The following WDR7 variants were observed in gnomAD, a reference collection of about 807,000 sequenced individuals.
The protein encoded by WDR7 is WD repeat-containing protein 7.
A neutral mutation model predicts 169.4 loss-of-function variants in WDR7; 46 were observed. The observed-to-expected ratio is 0.27, with a 90% confidence interval of 0.21 to 0.35. WDR7 has a LOEUF of 0.35. Ranked by LOEUF, WDR7 falls within the 10% of genes least tolerant of loss-of-function variation. The pLI, the probability that WDR7 is intolerant of heterozygous loss-of-function variation, is 1.00. For synonymous variants in WDR7, 612 were observed against 666.8 expected (o/e 0.92, Z 1.27); for missense variants, 1,534 against 1,859.3 (o/e 0.83, Z 3.22).
At chr18:56,965,252 T>G (rs2047391972) in intron 26 of WDR7, among the ~76,000 whole-genome samples, 1 of 151,900 alleles carries the variant, frequency 6.6e-6, no homozygotes, top group South Asian at 2.1e-4. Context: ...TCACTTAGAT[T>G]GGGGGAATCA....
At chr18:57,032,222 A>G (rs1452252580), downstream of WDR7, 1 of 152,226 alleles carries the variant, frequency 6.6e-6, no homozygotes, top group African/African-American at 2.4e-5. Flanking sequence ...CATTAGCATC[A>G]GGGGTGACTT....
intron 26 of WDR7, among the ~76,000 whole-genome samples, chr18:57,016,482 T>C (rs943168628): frequency 2.6e-5 from 4 of 152,216 alleles, no homozygotes; most frequent in Middle Eastern, 3.2e-3. Flanking sequence ...TAAGATGTTC[T>C]CTTTAATTTT....
chr18:56,736,896 G>A (rs567046728), intron 14 of WDR7, among the ~76,000 whole-genome samples: 8 of 152,254 alleles, frequency 5.3e-5, no homozygotes, highest in African/African-American at 1.9e-4. Flanking sequence ...TAACAGGTGG[G>A]ACAATGCAGG....
chr18:56,846,406 A>G (rs1487327102), intron 20 of WDR7, among the ~76,000 whole-genome samples: 5 of 152,140 alleles, frequency 3.3e-5, no homozygotes, highest in African/African-American at 7.2e-5. Context: ...ATGGTAGTGA[A>G]TAAGTCTCAC....
intron 20 of WDR7, among the ~76,000 whole-genome samples, chr18:56,878,035 A>G (rs1358405781): frequency 6.6e-6 from 1 of 152,234 alleles, no homozygotes; most frequent in East Asian, 1.9e-4. Flanking sequence ...TCAAAAAATA[A>G]TGGTAGACTA....
At chr18:56,755,206 G>A (rs2043865955) in intron 14 of WDR7, among the ~76,000 whole-genome samples, 1 of 150,370 alleles carries the variant, frequency 6.7e-6, no homozygotes, top group African/African-American at 2.4e-5. Context: ...TTTTTTAGTT[G>A]TCATTTAACA....
At chr18:56,836,818 C>T (rs545331315) in intron 20 of WDR7, among the ~76,000 whole-genome samples, 190 of 152,156 alleles carry the variant, frequency 1.2e-3, no homozygotes, top group Non-Finnish European at 2.1e-3. Context: ...CATATAACTT[C>T]AAATTAAAAT....
At chr18:56,890,333 C>G (rs1331701277) in intron 21 of WDR7, among the ~76,000 whole-genome samples, 2 of 152,042 alleles carry the variant, frequency 1.3e-5, no homozygotes, top group African/African-American at 4.8e-5. Context: ...AAATGATCCC[C>G]CAAGTACTCC....
chr18:56,950,944 T>C (rs1433090355), intron 25 of WDR7, among the ~76,000 whole-genome samples: 1 of 152,210 alleles, frequency 6.6e-6, no homozygotes, highest in African/African-American at 2.4e-5. Context: ...ATTCTTGAAG[T>C]GCCATTCTCA....
At chr18:56,807,187 G>A (rs1033057167) in intron 19 of WDR7, among the ~76,000 whole-genome samples, 1 of 151,430 alleles carries the variant, frequency 6.6e-6, no homozygotes, top group Non-Finnish European at 1.5e-5. Flanking sequence ...GATTTCAAAG[G>A]TACCTTCTTA....
intron 1 of WDR7, among the ~76,000 whole-genome samples, chr18:56,670,315 A>C (rs534157569): frequency 6.6e-6 from 1 of 152,088 alleles, no homozygotes; most frequent in Non-Finnish European, 1.5e-5. Context: ...ATTAGAAAAA[A>C]ATGTTTTGGG....
chr18:56,880,331 C>G (rs2046088604), intron 21 of WDR7, among the ~76,000 whole-genome samples, 166 bp downstream of exon 21: 1 of 152,174 alleles, frequency 6.6e-6, no homozygotes, highest in African/African-American at 2.4e-5. Flanking sequence ...TTACAGTAAC[C>G]TGAACTCCTT....
chr18:56,842,949 C>G (rs1252508451), intron 20 of WDR7, among the ~76,000 whole-genome samples: 1 of 152,110 alleles, frequency 6.6e-6, no homozygotes, highest in Non-Finnish European at 1.5e-5. Context: ...AATTAACCTG[C>G]TGCCTATTGC....
At chr18:57,022,627 GT>G (rs2048307855) in intron 27 of WDR7, among the ~76,000 whole-genome samples, 1 of 152,118 alleles carries the variant, frequency 6.6e-6, no homozygotes, top group Admixed American at 6.5e-5. Context: ...TTTTCTAAAT[GT>G]TAAATTATCT....
chr18:56,754,765 C>G lies in WDR7; in HGVS notation c.1990-1818C>G, dbSNP rs2043857141. 3.9e-5 allele frequency among the ~76,000 whole-genome samples: 6 copies of G among 152,298 alleles called. No homozygotes were observed. The South Asian group carries it at 1.2e-3, about 32-fold the overall frequency. ...TATTCGATACAGTTTCACTGAACAT[C>G]TTTGAACATAAATCCTTGTCTGTAT... On this transcript the variant is annotated intron_variant, in intron 14 of 27. Transcript: ENST00000254442.
At chr18:56,722,634 T>C (rs1598990595) in intron 13 of WDR7, among the ~76,000 whole-genome samples, 1 of 152,158 alleles carries the variant, frequency 6.6e-6, no homozygotes. Context: ...CTTTTAATGA[T>C]TGACTTTATG....
chr18:56,946,200 C>T (rs187011222), intron 25 of WDR7, among the ~76,000 whole-genome samples: 1 of 152,296 alleles, frequency 6.6e-6, no homozygotes, highest in East Asian at 1.9e-4. Context: ...GCATGTTTGG[C>T]CTAGGCTGTC....
chr18:56,842,271 T>G (rs2045497307), intron 20 of WDR7, among the ~76,000 whole-genome samples: 1 of 149,678 alleles, frequency 6.7e-6, no homozygotes, highest in African/African-American at 2.5e-5. Flanking sequence ...GCCTTCTTGC[T>G]ACATCATTCC....
At chr18:56,733,083 A>G (rs2026622581) in intron 14 of WDR7, among the ~76,000 whole-genome samples, 1 of 152,186 alleles carries the variant, frequency 6.6e-6, no homozygotes, top group East Asian at 1.9e-4. Context: ...CTGTTTTAAT[A>G]GCGTATTTTA....
Sources: allele counts gnomAD v4.1 joint callset (sites outside exome capture counted in the v4.1 genomes callset), GRCh38; gene constraint gnomAD v4.1.1; transcripts MANE v1.5; gene names NCBI Gene and HGNC (gene_info 2026-07-23, HGNC 2026-07-21).